PRDM16: variants seen among roughly 807,000 people sequenced by gnomAD.
PRDM16 encodes the protein histone-lysine N-methyltransferase PRDM16.
A neutral mutation model predicts 110.6 loss-of-function variants in PRDM16; 23 were observed. The ratio of observed to expected loss-of-function variants is 0.21; its 90% confidence interval spans 0.15 to 0.29. The LOEUF is 0.29. Ranked by LOEUF, PRDM16 falls within the 10% of genes least tolerant of loss-of-function variation. The probability of loss-of-function intolerance (pLI) is 1.00; values close to 1 mark genes in which losing one functional copy is unlikely to be tolerated. For missense variants in PRDM16, 1,615 were observed against 1,794.3 expected, an observed-to-expected ratio of 0.90 and a Z score of 1.81; for synonymous variants, 799 against 781.8, an observed-to-expected ratio of 1.02 and a Z score of -0.37.
At chr1:3,174,876 G>A (rs1486826534) in intron 1 of PRDM16, among the ~76,000 whole-genome samples, 2 of 152,306 alleles carry the variant, frequency 1.3e-5, no homozygotes, top group East Asian at 3.9e-4. Context: ...AGATAGAAAC[G>A]GCAATTGATC....
At chr1:3,225,982 G>A (rs903556082) in intron 2 of PRDM16, among the ~76,000 whole-genome samples, 3 of 152,230 alleles carry the variant, frequency 2.0e-5, no homozygotes, top group African/African-American at 7.2e-5. Flanking sequence ...TCAGCCCTTA[G>A]TGGTCCCAGA....
rs79908201 is a variant in PRDM16, at chr1:3,261,057, G to A, written c.438+16920G>A. Among the ~76,000 whole-genome samples the A allele has an allele frequency of 8.9e-3, 1,339 of 151,206 alleles. 23 individuals are homozygous for A. The highest frequency in any genetic ancestry group is 0.031 in the African/African-American group (1,271 of 41,154). Reference sequence around the variant, plus strand: ...TTCCCCACTCAAGTTCCTGGGCTAGGGAGGACCCCGGGAGATAAGGCATGG... The same window carrying A: ...TTCCCCACTCAAGTTCCTGGGCTAGAGAGGACCCCGGGAGATAAGGCATGG... On this transcript the variant is annotated intron_variant, in intron 3 of 16. Coordinates refer to ENST00000270722, the MANE Select transcript of PRDM16 (RefSeq NM_022114.4).
intron 3 of PRDM16, among the ~76,000 whole-genome samples, chr1:3,352,877 A>AGTCAGGCC (rs1421042330): frequency 6.8e-6 from 1 of 147,466 alleles, no homozygotes; most frequent in African/African-American, 2.5e-5. Flanking sequence ...TCTCGGTGGC[A>AGTCAGGCC]GTCAGGCCGC....
At chr1:3,354,411 G>A (rs1642553320) in intron 3 of PRDM16, among the ~76,000 whole-genome samples, 1 of 146,224 alleles carries the variant, frequency 6.8e-6, no homozygotes, top group Non-Finnish European at 1.5e-5. Context: ...AGTGAGCCGA[G>A]ATTGCACCAC....
rs546038940 is a variant in PRDM16 at position 3,102,194 on chromosome 1, G to A, written c.37+32898G>A. Among the ~76,000 whole-genome samples the A allele has an allele frequency of 1.2e-3, 180 of 152,266 alleles. 1 individual carries two copies. Among genetic ancestry groups the A allele is most frequent in the Middle Eastern group, 3.4e-3 (1 of 294 alleles). The stretch of plus-strand genomic sequence containing the variant: ...GAGAGGGTGGGCAGTGAGTCCAGCC[G>A]CACAGGGAGCCAGGTAGAGGTGGCG... On this transcript the variant is annotated intron_variant, in intron 1 of 16. Coordinates refer to ENST00000270722, the MANE Select transcript of PRDM16 (RefSeq NM_022114.4).
At position 3,090,818 on chromosome 1, in the gene PRDM16, G is replaced by A. The variant is rs74048184; in HGVS notation, c.37+21522G>A. Reference sequence around the variant, plus strand: ...GCCAGGCATCTGATTTAGGTTCCCAGGAGCAGCAGCTGACACTCCTGCAGG... The same window carrying A: ...GCCAGGCATCTGATTTAGGTTCCCAAGAGCAGCAGCTGACACTCCTGCAGG... On this transcript the variant is annotated intron_variant, in intron 1 of 16. Transcript: ENST00000270722. 2.1e-3 allele frequency among the ~76,000 whole-genome samples: 325 copies of A among 152,362 alleles called. 4 individuals are homozygous for A. The highest frequency in any genetic ancestry group is 7.6e-3 in the African/African-American group (317 of 41,586).
Position 3,402,774 on chromosome 1 carries a change from C to G in PRDM16, c.677-17C>G, listed in dbSNP as rs780881834. The G allele has an allele frequency of 1.2e-6, 2 of 1,602,882 alleles. No homozygotes were observed. The highest frequency in any genetic ancestry group is 1.7e-5 in the Admixed American group (1 of 59,798). On this transcript the variant is annotated splice_polypyrimidine_tract_variant and intron_variant, in intron 5 of 16. Transcript: ENST00000270722. ...GTCTCCAGCTCACTCACCACCACCT[C>G]GTTCTCTCTCTTGCAGAGGAGCCCA... is the stretch of plus-strand genomic sequence containing the variant.
chr1:3,230,614 TC>T (rs2100884281), intron 2 of PRDM16, among the ~76,000 whole-genome samples: 1 of 152,330 alleles, frequency 6.6e-6, no homozygotes, highest in South Asian at 2.1e-4. Flanking sequence ...TCAGACTGCT[TC>T]CCATCTCACA....
intron 3 of PRDM16, among the ~76,000 whole-genome samples, chr1:3,249,223 AG>A (rs1380841273): frequency 3.8e-5 from 2 of 52,140 alleles, no homozygotes; most frequent in East Asian, 4.5e-4. Flanking sequence ...GGAAGGGAGT[AG>A]GGGGCAGGGG....
At chr1:3,344,201 G>A (rs950250836) in intron 3 of PRDM16, among the ~76,000 whole-genome samples, 4 of 152,100 alleles carry the variant, frequency 2.6e-5, no homozygotes, top group East Asian at 3.9e-4. Context: ...AGTCGGTTGC[G>A]ATGGTGCACC....
rs1557524892 is a variant in PRDM16 at position 3,201,152 on chromosome 1, CTTTT to C, written c.387+14679_387+14682del. Reference sequence around the variant, plus strand: ...TTGGGAGCATAGACCACGCTGCCTTCTTTTGAGGAGGACAGGGATGGAAAAAGGG... The same window carrying C: ...TTGGGAGCATAGACCACGCTGCCTTCGAGGAGGACAGGGATGGAAAAAGGG... On this transcript the variant is annotated intron_variant, in intron 2 of 16. Coordinates refer to ENST00000270722, the MANE Select transcript of PRDM16 (RefSeq NM_022114.4). This position sits in a 1 kb window ranked among gnomAD's most constrained non-coding sequence, Gnocchi z 4.1. 6.6e-6 allele frequency among the ~76,000 whole-genome samples: 1 copy of C among 152,072 alleles called. No individual in the cohort carries two copies. Among genetic ancestry groups the C allele is most frequent in the Non-Finnish European group, 1.5e-5 (1 of 68,000 alleles).
At chr1:3,421,899 G>GGCGGACAGACAGGAAGATAT (rs1638440620) in intron 12 of PRDM16, among the ~76,000 whole-genome samples, 8 of 151,742 alleles carry the variant, frequency 5.3e-5, no homozygotes, top group Admixed American at 5.2e-4. Context: ...CAGGAAGATA[G>GGCGGACAGACAGGAAGATAT]GCAGGCAAAC....
At chr1:3,126,360 C>T (rs949055359) in intron 1 of PRDM16, among the ~76,000 whole-genome samples, 19 of 152,178 alleles carry the variant, frequency 1.2e-4, no homozygotes, top group African/African-American at 3.1e-4. Flanking sequence ...CCCATGCCCC[C>T]GGGGGCTCAG....
chr1:3,336,166 T>C (rs1032217463), intron 3 of PRDM16, among the ~76,000 whole-genome samples: 20 of 152,236 alleles, frequency 1.3e-4, no homozygotes, highest in African/African-American at 4.6e-4. Context: ...CTTACTGACC[T>C]GCCAAGATAG....
chr1:3,161,320 C>T (rs1444201142), intron 1 of PRDM16, among the ~76,000 whole-genome samples: 2 of 152,196 alleles, frequency 1.3e-5, no homozygotes, highest in African/African-American at 2.4e-5. Context: ...GCCCCAGAGC[C>T]GGGGAGGGTT....
At chr1:3,419,267 C>T (rs966455672) in intron 12 of PRDM16, among the ~76,000 whole-genome samples, 6 of 152,332 alleles carry the variant, frequency 3.9e-5, no homozygotes, top group East Asian at 1.9e-4. Context: ...CACGGGGTCC[C>T]GGGGACAGCC....
At chr1:3,160,276 C>T (rs763110260) in intron 1 of PRDM16, among the ~76,000 whole-genome samples, 1 of 152,278 alleles carries the variant, frequency 6.6e-6, no homozygotes. Context: ...GAGGATGTGC[C>T]GTTGGCTGGT....
chr1:3,168,675 A>C (rs1242078822), intron 1 of PRDM16, among the ~76,000 whole-genome samples: 1 of 151,860 alleles, frequency 6.6e-6, no homozygotes, highest in Non-Finnish European at 1.5e-5. Flanking sequence ...TTAAAATGTA[A>C]AGGTGATTAA....
chr1:3,200,186 C>T (rs1190089697), intron 2 of PRDM16, among the ~76,000 whole-genome samples: 1 of 152,208 alleles, frequency 6.6e-6, no homozygotes, highest in Non-Finnish European at 1.5e-5. Flanking sequence ...CTCCTCACAG[C>T]CGCTGAGTCA....
Sources: allele counts gnomAD v4.1 joint callset (sites outside exome capture counted in the v4.1 genomes callset), GRCh38; gene constraint gnomAD v4.1.1; non-coding constraint Gnocchi (gnomAD v3.1); transcripts MANE v1.5; gene names NCBI Gene and HGNC (gene_info 2026-07-23, HGNC 2026-07-21).